The following NLRP7 variants were observed in gnomAD, a reference collection of about 807,000 sequenced individuals.
NLRP7 encodes the protein NLR family pyrin domain containing 7.
In NLRP7, 72 loss-of-function variants were observed where a neutral mutation model predicts 85.5. The ratio of observed to expected loss-of-function variants is 0.84; its 90% CI spans 0.70 to 1.02. The LOEUF is 1.02. NLRP7 is among the 50% of genes least tolerant of loss of function. The pLI is 0.00. For missense variants in NLRP7, 1,243 were observed against 1,219.5 expected, an observed-to-expected ratio of 1.02 and a Z score of -0.29; for synonymous variants, 550 against 505.2, an observed-to-expected ratio of 1.09 and a Z score of -1.19.
In NLRP7 at chr19:54,934,944, A is replaced by G. The variant is rs2068843787; in HGVS notation, c.2301-285T>C. ...ACTCCTGACCTCAGGTGATCCACCCACCTTGGCCTACCGAAGTACTGGGAT... is the reference window on the plus strand; with the variant it reads ...ACTCCTGACCTCAGGTGATCCACCCGCCTTGGCCTACCGAAGTACTGGGAT... On this transcript the variant is annotated intron_variant, in intron 6 of 9. Transcript: ENST00000340844. This position sits in a 1 kb window ranked among gnomAD's most constrained non-coding sequence, Gnocchi z 6.7. Among the ~76,000 whole-genome samples, 1 of 152,000 alleles carries G rather than the reference A, an allele frequency of 6.6e-6. No homozygotes were observed. Among genetic ancestry groups the G allele is most frequent in the Non-Finnish European group, 1.5e-5 (1 of 67,990 alleles).
At chr19:54,947,562 G>C, upstream of NLRP7, 1 of 1,289,696 alleles carries the variant, frequency 7.8e-7, no homozygotes, top group Non-Finnish European at 1.0e-6. Context: ...GCTAGGTGGA[G>C]AGACAGCTTT....
chr19:54,952,200 G>C (rs552960788), upstream of NLRP7, among the ~76,000 whole-genome samples: 2 of 152,188 alleles, frequency 1.3e-5, no homozygotes, highest in African/African-American at 4.8e-5. Flanking sequence ...GAAGACCCCA[G>C]TGAGGAATGG....
At chr19:54,963,356 G>T (rs961523869) in intron 1 of NLRP7, among the ~76,000 whole-genome samples, 1 of 151,900 alleles carries the variant, frequency 6.6e-6, no homozygotes, top group Non-Finnish European at 1.5e-5. Context: ...AAGAAAAAAC[G>T]AAAAGAAATA....
chr19:54,932,171 G>C (rs2068706512), intron 8 of NLRP7, among the ~76,000 whole-genome samples: 2 of 151,988 alleles, frequency 1.3e-5, no homozygotes, highest in South Asian at 4.2e-4. Context: ...CTCATGCCTG[G>C]AACGCCAGCA....
chr19:54,955,931 C>T (rs2069835854), intron 1 of NLRP7, among the ~76,000 whole-genome samples: 1 of 152,060 alleles, frequency 6.6e-6, no homozygotes, highest in Non-Finnish European at 1.5e-5. Flanking sequence ...GACAGGACTG[C>T]ACTCCAGCCT....
Position 54,934,781 on chromosome 19 carries a change from C to G in NLRP7, c.2301-122G>C, listed in dbSNP as rs1010250039. On this transcript the variant is annotated intron_variant, in intron 6 of 9. Coordinates refer to ENST00000340844, the Ensembl canonical transcript of NLRP7. The surrounding 1 kb of genome is among the most constrained non-coding windows in gnomAD (Gnocchi z 6.7). Reference sequence around the variant, plus strand: ...CTGGAATGCAAAGGCGTGATCTCACCTCACTGCAGCCTCCGCCTCCCGGGT... The same window carrying G: ...CTGGAATGCAAAGGCGTGATCTCACGTCACTGCAGCCTCCGCCTCCCGGGT... The G allele has an allele frequency of 3.8e-5, 29 of 755,138 alleles. No homozygotes were observed. Among genetic ancestry groups the G allele is most frequent in the Non-Finnish European group, 5.3e-5 (25 of 473,830 alleles). The allele number at this position is 755,138 out of a possible 1,614,324, so 46.8% of individuals were successfully genotyped here.
exon 10 of NLRP7, chr19:54,923,858 T>G (rs765904858): frequency 3.7e-6 from 6 of 1,613,984 alleles, no homozygotes; most frequent in Non-Finnish European, 5.1e-6. Flanking sequence ...CAAATTAGTT[T>G]CATAGGTCTT....
intron 1 of NLRP7, among the ~76,000 whole-genome samples, chr19:54,942,566 A>T (rs1395974948): frequency 2.6e-5 from 1 of 38,372 alleles, no homozygotes; most frequent in Admixed American, 3.5e-4. Context: ...TCTACTAAAA[A>T]TACAGAAATT....
At chr19:54,932,174 C>T (rs2068706605) in intron 8 of NLRP7, among the ~76,000 whole-genome samples, 1 of 151,924 alleles carries the variant, frequency 6.6e-6, no homozygotes, top group South Asian at 2.1e-4. Flanking sequence ...ATGCCTGGAA[C>T]GCCAGCACTT....
chr19:54,926,601 G>A (rs961923013), intron 9 of NLRP7, among the ~76,000 whole-genome samples: 7 of 152,006 alleles, frequency 4.6e-5, no homozygotes, highest in African/African-American at 1.4e-4. Context: ...CCAACATGGT[G>A]AAACCCCATC....
exon 5 of NLRP7, chr19:54,938,172 G>T (rs370968586): frequency 3.1e-6 from 5 of 1,614,092 alleles, no homozygotes; most frequent in Admixed American, 1.7e-5. Context: ...AGAGAGAGCA[G>T]AAATCTGTCC....
At chr19:54,933,307 G>A (rs2068755241) in intron 8 of NLRP7, among the ~76,000 whole-genome samples, 1 of 152,030 alleles carries the variant, frequency 6.6e-6, no homozygotes, top group East Asian at 1.9e-4. Flanking sequence ...CACCACACCT[G>A]GCTAATTTTT....
rs8101049 is a variant in NLRP7 at position 54,937,645 on chromosome 19, C to T, written c.2129+399G>A. On this transcript the variant is annotated intron_variant, in intron 5 of 9. Coordinates refer to ENST00000340844, the Ensembl canonical transcript of NLRP7. ...AGGTGCAGCGGCTCATGCCTATAAT[C>T]CCAGCACTTTGGAAGGCCGAGGCAG... is the stretch of plus-strand genomic sequence containing the variant. Among the ~76,000 whole-genome samples the T allele has an allele frequency of 0.033, 5,009 of 151,982 alleles. 263 individuals carry two copies. The highest frequency in any genetic ancestry group is 0.11 in the African/African-American group (4,572 of 41,434).
At chr19:54,925,006 C>T (rs1354629136) in intron 9 of NLRP7, among the ~76,000 whole-genome samples, 1 of 152,010 alleles carries the variant, frequency 6.6e-6, no homozygotes, top group Non-Finnish European at 1.5e-5. Context: ...AGAGTGAACC[C>T]CAGGGTTAAT....
chr19:54,948,879 C>T (rs1225846747), upstream of NLRP7: 2 of 174,550 alleles, frequency 1.1e-5, no homozygotes, highest in South Asian at 2.8e-4. Context: ...TTGTGGAAAG[C>T]ATTCAGCACA....
chr19:54,939,881 G>C, exon 4 of NLRP7: 1 of 1,613,760 alleles, frequency 6.2e-7, no homozygotes, highest in Non-Finnish European at 8.5e-7. Context: ...CGGCTGCTGC[G>C]CCAGGAGCTG....
rs530205230 is a variant in NLRP7, at chr19:54,944,590, CTCTT to C, written c.-39-2844_-39-2841del. On this transcript the variant is annotated intron_variant, in intron 1 of 9. Transcript: ENST00000340844. ...CTTTCTGTGTACTTTGTCTCTGTGT[CTCTT>C]TCTTTTCTCAGTCTCTCGTCCCACC... 2.7e-4 allele frequency among the ~76,000 whole-genome samples: 41 copies of C among 152,092 alleles called. 1 individual carries two copies. The Middle Eastern group carries it at 0.014, about 50-fold the overall frequency.
Position 54,962,400 on chromosome 19 carries a change from T to C in NLRP7, c.-77+3640A>G, listed in dbSNP as rs545082769. On this transcript the variant is annotated intron_variant, in intron 1 of 2. Transcript: ENST00000587103. ...TTCCTGCCTCAGCCTCCAGAATAGC[T>C]GGAATTACAGGCATCTGCCACTACG... is the stretch of plus-strand genomic sequence containing the variant. 1.6e-4 allele frequency among the ~76,000 whole-genome samples: 24 copies of C among 150,106 alleles called. 1 individual carries two copies. The South Asian group carries it at 5.2e-3, about 32-fold the overall frequency.
rs1038128015 is a variant in NLRP7 at position 54,940,589 on chromosome 19, G to T, written c.353-123C>A. On this transcript the variant is annotated intron_variant, in intron 3 of 9. Coordinates refer to ENST00000340844, the Ensembl canonical transcript of NLRP7. Reference sequence around the variant, plus strand: ...TGCTTGTAATCCCGGCACTTTGGGAGGCCAAGGTGGGTGGATCACTTGAGG... The same window carrying T: ...TGCTTGTAATCCCGGCACTTTGGGATGCCAAGGTGGGTGGATCACTTGAGG... 6.3e-6 allele frequency: 7 copies of T among 1,118,326 alleles called. No homozygotes were observed. The African/African-American group carries it at 1.1e-4, about 17-fold the overall frequency. 69.3% of individuals were successfully genotyped at this position (1,118,326 alleles called of 1,614,324 possible).
Sources: gnomAD v4.1 joint callset for allele counts (sites outside exome capture counted in the v4.1 genomes callset) on GRCh38, gnomAD v4.1.1 for gene constraint, Gnocchi (gnomAD v3.1) non-coding constraint, MANE v1.5 for transcripts, NCBI Gene and HGNC (gene_info 2026-07-23, HGNC 2026-07-21) for gene names.